ASTN2: variants seen among roughly 807,000 people sequenced by gnomAD.
ASTN2 encodes the protein astrotactin 2.
ASTN2 carries 54 observed loss-of-function variants against 139.8 expected under a neutral mutation model. That is an observed-to-expected ratio of 0.39 (90% confidence interval 0.31 to 0.48). The LOEUF (loss-of-function observed/expected upper bound fraction) is 0.48, where lower values mean the gene tolerates loss of function less well. Among genes scored for constraint, ASTN2 ranks in the 20% least tolerant of loss-of-function variants. ASTN2 has a pLI of 0.95. For missense variants in ASTN2, 1,565 were observed against 1,725.1 expected (o/e 0.91, Z 1.64); for synonymous variants, 756 against 719.5 (o/e 1.05, Z -0.81).
intron 3 of ASTN2, among the ~76,000 whole-genome samples, chr9:117,176,542 A>T (rs1316202356): frequency 6.6e-6 from 1 of 152,224 alleles, no homozygotes; most frequent in Non-Finnish European, 1.5e-5. Context: ...AAAATAAAGT[A>T]CATTTTAGGA....
chr9:116,943,053 C>A (rs1235966431), intron 10 of ASTN2, among the ~76,000 whole-genome samples: 1 of 152,088 alleles, frequency 6.6e-6, no homozygotes, highest in Non-Finnish European at 1.5e-5. Context: ...GTTTCTTAAC[C>A]ATATTAAATC....
chr9:116,642,273 C>T (rs1000815214), intron 17 of ASTN2, among the ~76,000 whole-genome samples: 1 of 151,914 alleles, frequency 6.6e-6, no homozygotes. Context: ...ACTCACTAGG[C>T]ACTCTTGACC....
rs114615888 is a variant in ASTN2 at position 117,330,122 on chromosome 9, A to C, written c.443-38609T>G. On this transcript the variant is annotated intron_variant, in intron 1 of 22. Coordinates refer to ENST00000313400, the MANE Select transcript of ASTN2 (RefSeq NM_001365068.1). ...CTCTTTACCCATGGTTTTCTCCTTA[A>C]TAAGGGAAGCTGATGGGGCTGGAGT... Among the ~76,000 whole-genome samples, 1,408 of 152,230 alleles carry C rather than the reference A, an allele frequency of 9.2e-3. 21 individuals carry two copies. The highest frequency in any genetic ancestry group is 0.032 in the African/African-American group (1,337 of 41,540).
intron 4 of ASTN2, among the ~76,000 whole-genome samples, chr9:117,134,940 G>A (rs974998987): frequency 6.6e-6 from 1 of 152,192 alleles, no homozygotes; most frequent in Non-Finnish European, 1.5e-5. Flanking sequence ...GAGGACATGG[G>A]ACTGGCTCCC....
At chr9:117,137,014 T>C (rs1367635165) in intron 4 of ASTN2, among the ~76,000 whole-genome samples, 2 of 144,808 alleles carry the variant, frequency 1.4e-5, no homozygotes, top group African/African-American at 4.9e-5. Flanking sequence ...AATAAACCTA[T>C]GGAATTTCTT....
chr9:117,194,854 A>AT (rs1831451075), intron 3 of ASTN2, among the ~76,000 whole-genome samples: 1 of 152,236 alleles, frequency 6.6e-6, no homozygotes, highest in Non-Finnish European at 1.5e-5. Flanking sequence ...TCAACAAATC[A>AT]TTGACTTGAA....
chr9:116,666,486 A>C (rs1263394023), intron 16 of ASTN2, among the ~76,000 whole-genome samples: 1 of 152,204 alleles, frequency 6.6e-6, no homozygotes, highest in Non-Finnish European at 1.5e-5. Flanking sequence ...CCATTATTAC[A>C]AATCTAAAAA....
At chr9:116,472,385 A>G (rs1196504321) in intron 20 of ASTN2, among the ~76,000 whole-genome samples, 4 of 152,164 alleles carry the variant, frequency 2.6e-5, no homozygotes, top group Non-Finnish European at 5.9e-5. Context: ...AAGGCACACT[A>G]GCTGTTAGAG....
chr9:117,224,164 G>C (rs988635705), intron 2 of ASTN2, among the ~76,000 whole-genome samples: 1 of 152,186 alleles, frequency 6.6e-6, no homozygotes. Flanking sequence ...ACATAGGTTC[G>C]TCTATTGACA....
chr9:117,285,431 C>A (rs1428053114), intron 2 of ASTN2, among the ~76,000 whole-genome samples: 1 of 151,856 alleles, frequency 6.6e-6, no homozygotes, highest in African/African-American at 2.4e-5. Context: ...ACGGTTGGAG[C>A]AATGATATAA....
chr9:116,498,901 C>G (rs1849761852), intron 19 of ASTN2, among the ~76,000 whole-genome samples: 1 of 152,184 alleles, frequency 6.6e-6, no homozygotes, highest in Non-Finnish European at 1.5e-5. Flanking sequence ...TACACTAACT[C>G]ACTTCACACA....
At chr9:117,290,318 C>T (rs1336119859) in intron 2 of ASTN2, among the ~76,000 whole-genome samples, 1 of 152,198 alleles carries the variant, frequency 6.6e-6, no homozygotes, top group African/African-American at 2.4e-5. Flanking sequence ...GTGCTTTCTA[C>T]CTACTGGATT....
At chr9:116,840,775 C>T (rs969306258) in intron 11 of ASTN2, among the ~76,000 whole-genome samples, 6 of 147,328 alleles carry the variant, frequency 4.1e-5, no homozygotes, top group Admixed American at 6.8e-5. Flanking sequence ...ACATCTCAGA[C>T]GATGGGCGGC....
chr9:117,375,647 G>A (rs1370916394), intron 1 of ASTN2, among the ~76,000 whole-genome samples: 1 of 152,196 alleles, frequency 6.6e-6, no homozygotes, highest in Non-Finnish European at 1.5e-5. Flanking sequence ...GGAGATTCAA[G>A]CTCAAGTCCA....
intron 5 of ASTN2, among the ~76,000 whole-genome samples, chr9:117,077,885 C>T (rs1438947775): frequency 6.6e-6 from 1 of 152,208 alleles, no homozygotes; most frequent in African/African-American, 2.4e-5. Flanking sequence ...GAACATCCTC[C>T]ACAGGTTATT....
intron 10 of ASTN2, among the ~76,000 whole-genome samples, chr9:116,947,535 G>A (rs1835431424): frequency 6.6e-6 from 1 of 152,138 alleles, no homozygotes; most frequent in Non-Finnish European, 1.5e-5. Context: ...AAAGTTACAT[G>A]CATCTTTTTC....
intron 4 of ASTN2, among the ~76,000 whole-genome samples, chr9:117,096,905 A>C (rs1158120505): frequency 6.6e-6 from 1 of 152,218 alleles, no homozygotes; most frequent in Non-Finnish European, 1.5e-5. Flanking sequence ...CCATGTGGGC[A>C]GTCAGGGGCA....
intron 13 of ASTN2, among the ~76,000 whole-genome samples, chr9:116,756,131 T>C (rs1449736033): frequency 6.6e-6 from 1 of 152,200 alleles, no homozygotes; most frequent in African/African-American, 2.4e-5. Context: ...CTTAGTTTGA[T>C]TTCCAGGCCC....
At chr9:116,746,110 A>C (rs1829226054) in intron 13 of ASTN2, among the ~76,000 whole-genome samples, 1 of 141,586 alleles carries the variant, frequency 7.1e-6, no homozygotes, top group African/African-American at 2.6e-5. Flanking sequence ...TTTTTGAGAC[A>C]GAGTCTTGCT....
Sources: gnomAD v4.1 joint callset for allele counts (sites outside exome capture counted in the v4.1 genomes callset) on GRCh38, gnomAD v4.1.1 for gene constraint, MANE v1.5 for transcripts, NCBI Gene and HGNC (gene_info 2026-07-23, HGNC 2026-07-21) for gene names.